RADIL: variants seen among roughly 807,000 people sequenced by gnomAD.
RADIL encodes ras-associating and dilute domain-containing protein.
A neutral mutation model predicts 97.6 loss-of-function variants in RADIL; 99 were observed. The observed-to-expected ratio is 1.01, with a 90% CI of 0.86 to 1.20. The LOEUF (loss-of-function observed/expected upper bound fraction) is 1.20. Among genes scored for constraint, RADIL ranks in the 50% most tolerant of loss-of-function variants. The probability of loss-of-function intolerance (pLI) is 0.00; values close to 1 mark genes in which losing one functional copy is unlikely to be tolerated. For missense variants in RADIL, 1,765 were observed against 1,498.9 expected, an observed-to-expected ratio of 1.18 and a Z score of -2.93; for synonymous variants, 803 against 691.8, an observed-to-expected ratio of 1.16 and a Z score of -2.52.
chr7:4,877,779 C>T lies in RADIL; in HGVS notation c.361G>A (p.Asp121Asn), dbSNP rs777596627. ...VLCDVVGQAG[D>N]AGQRWQARCF... ...CGGGCCTGCCACCGCTGCCCAGCAT[C>T]GCCGGCTTGGCCCACCACGTCACAC... Residue 121 changes from aspartate to asparagine, a missense_variant, in exon 2 of 15, where the codon GAT becomes AAT. Asp to Asn is a conservative substitution (Grantham distance 23). Coordinates refer to ENST00000399583, the MANE Select transcript of RADIL (RefSeq NM_018059.5). The T allele has an allele frequency of 5.0e-6, 8 of 1,612,510 alleles. No homozygotes were observed. The highest frequency in any genetic ancestry group is 1.6e-4 in the Middle Eastern group (1 of 6,062).
rs566508211 is a variant in RADIL, at chr7:4,872,601, G to C, written c.535+5004C>G. Among the ~76,000 whole-genome samples, 1 of 152,258 alleles carries C rather than the reference G, an allele frequency of 6.6e-6. No homozygotes were observed. The highest frequency in any genetic ancestry group is 2.4e-5 in the African/African-American group (1 of 41,566). ...AAATACAGCCTTCTAGGAAAGGGGA[G>C]TGAGAGCCACTTCCAGCCCGGCCAT... On this transcript the variant is annotated intron_variant, in intron 2 of 14. Coordinates refer to ENST00000399583, the MANE Select transcript of RADIL (RefSeq NM_018059.5). This position sits in a 1 kb window ranked among gnomAD's most constrained non-coding sequence, Gnocchi z 5.8.
intron 2 of RADIL, among the ~76,000 whole-genome samples, chr7:4,838,476 C>G (rs145727437): frequency 6.6e-6 from 1 of 152,134 alleles, no homozygotes; most frequent in Non-Finnish European, 1.5e-5. Context: ...AAATGCGGCA[C>G]GGGATGTCCC....
At chr7:4,811,479 C>CTTTTTT (rs35136302) in intron 9 of RADIL, among the ~76,000 whole-genome samples, 1 of 59,052 alleles carries the variant, frequency 1.7e-5, no homozygotes, top group Non-Finnish European at 3.1e-5. Flanking sequence ...GGTATTATTT[C>CTTTTTT]TTTTTTTTTT....
At chr7:4,838,354 C>A (rs555343244) in intron 2 of RADIL, among the ~76,000 whole-genome samples, 1 of 152,346 alleles carries the variant, frequency 6.6e-6, no homozygotes, top group Non-Finnish European at 1.5e-5. Context: ...AAATCCAGGG[C>A]CAGGTTGTAG....
rs61202853 is a variant in RADIL at position 4,867,632 on chromosome 7, G to GTAAATAAA, written c.535+9965_535+9972dup. ...CTGTCTCTATTTTTAAAATAAATAA[G>GTAAATAAA]TAAATAAATAAATAAATAAATAATG... On this transcript the variant is annotated intron_variant, in intron 2 of 14. Transcript: ENST00000399583. The surrounding 1 kb of genome is among the most constrained non-coding windows in gnomAD (Gnocchi z 4.1). 0.022 allele frequency among the ~76,000 whole-genome samples: 3,399 copies of GTAAATAAA among 151,530 alleles called. 137 individuals are homozygous for GTAAATAAA. Among genetic ancestry groups the GTAAATAAA allele is most frequent in the African/African-American group, 0.079 (3,239 of 41,152 alleles).
chr7:4,859,337 C>T (rs1783913852), intron 2 of RADIL: 1 of 152,948 alleles, frequency 6.5e-6, no homozygotes. Context: ...GTTTGTATTG[C>T]ATATTTTCCC....
Position 4,834,506 on chromosome 7 carries a change from G to C in RADIL, c.1416+101C>G. On this transcript the variant is annotated intron_variant, in intron 4 of 14. Coordinates refer to ENST00000399583, the MANE Select transcript of RADIL (RefSeq NM_018059.5). The surrounding 1 kb of genome is among the most constrained non-coding windows in gnomAD (Gnocchi z 6.0). ...CGCTCAGCAGCACAGCACCGTGGGGGTCAGATAGAGGCGCTCCCGCCTCCC... is the reference window on the plus strand; with the variant it reads ...CGCTCAGCAGCACAGCACCGTGGGGCTCAGATAGAGGCGCTCCCGCCTCCC... 1 of 1,212,224 alleles carries C rather than the reference G, an allele frequency of 8.2e-7. No individual in the cohort carries two copies. Among genetic ancestry groups the C allele is most frequent in the Non-Finnish European group, 1.0e-6 (1 of 966,320 alleles). 75.1% of individuals were successfully genotyped at this position (1,212,224 alleles called of 1,614,324 possible).
intron 11 of RADIL, among the ~76,000 whole-genome samples, chr7:4,802,385 T>C (rs377052897): frequency 0.027 from 1,730 of 65,230 alleles, 33 homozygotes; most frequent in African/African-American, 0.13. Context: ...CCTCCCCGGG[T>C]ACCTCGGGGC....
rs576375818 is a variant in RADIL, at chr7:4,837,152, G to A, written c.536-547C>T. ...CCACAGAACAGTCTCAGAGCAGGCA[G>A]CCTGCCTGTCAAATCCTCAGGCTGA... On this transcript the variant is annotated intron_variant, in intron 2 of 14. Coordinates refer to ENST00000399583, the MANE Select transcript of RADIL (RefSeq NM_018059.5). The surrounding 1 kb of genome is among the most constrained non-coding windows in gnomAD (Gnocchi z 5.6). 5.3e-5 allele frequency among the ~76,000 whole-genome samples: 8 copies of A among 152,288 alleles called. No individual in the cohort carries two copies. The highest frequency in any genetic ancestry group is 8.8e-5 in the Non-Finnish European group (6 of 68,020).
In RADIL at chr7:4,797,765, T is replaced by G. The variant is rs1781962293; in HGVS notation, c.*1613A>C. ...GGGAGGGCAAGGCGGGCAGATCACT[T>G]GATGTCAGTTTGAAATCAGCCTGGC... On this transcript the variant is annotated 3_prime_UTR_variant, in exon 15 of 15. Coordinates refer to ENST00000399583, the MANE Select transcript of RADIL (RefSeq NM_018059.5). 1 of 152,198 alleles carries G rather than the reference T, an allele frequency of 6.6e-6. No homozygotes were observed. The highest frequency in any genetic ancestry group is 2.1e-4 in the South Asian group (1 of 4,836). The allele number at this position is 152,198 out of a possible 1,614,324, so 9.4% of individuals were successfully genotyped here.
chr7:4,829,040 A>G (rs889995525), intron 5 of RADIL, among the ~76,000 whole-genome samples: 4 of 152,210 alleles, frequency 2.6e-5, no homozygotes, highest in Non-Finnish European at 4.4e-5. Flanking sequence ...CTAGAACTCC[A>G]GCTGTCCTGG....
In RADIL at chr7:4,800,162, G is replaced by C; in HGVS notation, c.2982+9C>G. 6.2e-7 allele frequency: 1 copy of C among 1,600,940 alleles called. No individual in the cohort carries two copies. The highest frequency in any genetic ancestry group is 8.5e-7 in the Non-Finnish European group (1 of 1,175,028). ...TATGGGGGTGCGGCGAGGGTCCTGG[G>C]CCACTCACCATCCCGTCGATCAGGC... On this transcript the variant is annotated intron_variant, in intron 13 of 14. Transcript: ENST00000399583.
chr7:4,822,387 G>T lies in RADIL; in HGVS notation c.1615+7C>A. ...GCGGGGGGAATGGAGGGCAGCGCCA[G>T]CCGTACCTGTGATGTCCAGCTGCTC... is the stretch of plus-strand genomic sequence containing the variant. On this transcript the variant is annotated splice_region_variant and intron_variant, in intron 6 of 14. Coordinates refer to ENST00000399583, the MANE Select transcript of RADIL (RefSeq NM_018059.5). This position sits in a 1 kb window ranked among gnomAD's most constrained non-coding sequence, Gnocchi z 5.3. 6.2e-7 allele frequency: 1 copy of T among 1,606,648 alleles called. No homozygotes were observed. The highest frequency in any genetic ancestry group is 8.5e-7 in the Non-Finnish European group (1 of 1,177,548).
chr7:4,850,040 C>T (rs909154432), intron 2 of RADIL, among the ~76,000 whole-genome samples: 1 of 151,952 alleles, frequency 6.6e-6, no homozygotes. Context: ...GTTTCGTCTA[C>T]ACCAAGGAAT....
chr7:4,801,997 T>C lies in RADIL; in HGVS notation c.2500-2A>G, dbSNP rs760691173. 23 of 1,505,186 alleles carry C rather than the reference T, an allele frequency of 1.5e-5. No individual in the cohort carries two copies. Among genetic ancestry groups the C allele is most frequent in the Non-Finnish European group, 2.0e-5 (23 of 1,129,276 alleles). 93.2% of individuals were successfully genotyped at this position (1,505,186 alleles called of 1,614,324 possible). A position where few individuals can be genotyped will look rare whatever the true frequency, so the allele number is the denominator to read the frequency against. On this transcript the variant is annotated splice_acceptor_variant, in intron 11 of 14. Transcript: ENST00000399583. LOFTEE classifies it high-confidence loss of function. Reference sequence around the variant, plus strand: ...GTCAAGGACCACGTGGTGCATACCCTAGGGAGAGGAAGGGTGACAGCTCAG... The same window carrying C: ...GTCAAGGACCACGTGGTGCATACCCCAGGGAGAGGAAGGGTGACAGCTCAG...
chr7:4,807,570 C>T (rs1170782425), intron 9 of RADIL, among the ~76,000 whole-genome samples: 1 of 107,014 alleles, frequency 9.3e-6, no homozygotes, highest in Non-Finnish European at 2.0e-5. Flanking sequence ...CCTCCCTCTC[C>T]TTCTCTCTCT....
At chr7:4,832,215 A>G (rs1277114459) in intron 4 of RADIL, 37 bp from the exon 5 acceptor site, 1 of 1,597,394 alleles carries the variant, frequency 6.3e-7, no homozygotes, top group South Asian at 1.1e-5. Context: ...CAAGTGAGCA[A>G]AACAGGCTAA....
At chr7:4,877,483 T>C (rs1784399071) in intron 2 of RADIL, 122 bp downstream of exon 2, 3 of 1,087,808 alleles carry the variant, frequency 2.8e-6, no homozygotes, top group Non-Finnish European at 3.9e-6. Flanking sequence ...GGGCTCCGAC[T>C]GCCTCCTGCA....
At position 4,817,533 on chromosome 7, in the gene RADIL, C is replaced by A. The variant is rs868330093; in HGVS notation, c.1616-182G>T. On this transcript the variant is annotated intron_variant, in intron 6 of 14. Coordinates refer to ENST00000399583, the MANE Select transcript of RADIL (RefSeq NM_018059.5). The surrounding 1 kb of genome is among the most constrained non-coding windows in gnomAD (Gnocchi z 8.3). ...GGCTGGGACGAGCGCAGCAAACCTG[C>A]CGCCACTCTTACCTGGGGAGGGGAA... Among the ~76,000 whole-genome samples the A allele has an allele frequency of 1.3e-5, 2 of 152,168 alleles. No individual in the cohort carries two copies. The highest frequency in any genetic ancestry group is 1.3e-4 in the Admixed American group (2 of 15,290).
Sources: allele counts gnomAD v4.1 joint callset (sites outside exome capture counted in the v4.1 genomes callset), GRCh38; gene constraint gnomAD v4.1.1; non-coding constraint Gnocchi (gnomAD v3.1); transcripts MANE v1.5; gene names NCBI Gene and HGNC (gene_info 2026-07-23, HGNC 2026-07-21).